Variants in GRID2 observed in about 807,000 individuals in gnomAD.
GRID2 encodes glutamate receptor ionotropic, delta-2.
Under a neutral mutation model 114.8 loss-of-function variants are expected in GRID2, and 33 were observed. The observed-to-expected ratio is 0.29, with a 90% CI of 0.22 to 0.38. GRID2 has a LOEUF of 0.38. GRID2 is among the 10% of genes least tolerant of loss of function. The pLI, the probability that GRID2 is intolerant of heterozygous loss-of-function variation, is 1.00. For missense variants in GRID2, 1,184 were observed against 1,257.7 expected (o/e 0.94, Z 0.89); for synonymous variants, 505 against 449.9 (o/e 1.12, Z -1.55).
At position 93,395,595 on chromosome 4, in the gene GRID2, CT is replaced by C; in HGVS notation, c.1246-10del. 7.7e-7 allele frequency: 1 copy of C among 1,302,574 alleles called. No individual in the cohort carries two copies. Among genetic ancestry groups the C allele is most frequent in the African/African-American group, 1.5e-5 (1 of 67,432 alleles). 80.7% of individuals were successfully genotyped at this position (1,302,574 alleles called of 1,614,324 possible). A position where few individuals can be genotyped will look rare whatever the true frequency, so the allele number is the denominator to read the frequency against. ...CAGGCAGAAAAATGACCAAAGTTGTCTTATCTTTCAGCTTGGTTGCTGGAAT... is the reference window on the plus strand; with the variant it reads ...CAGGCAGAAAAATGACCAAAGTTGTCTATCTTTCAGCTTGGTTGCTGGAAT... On this transcript the variant is annotated splice_polypyrimidine_tract_variant and intron_variant, in intron 8 of 15. Transcript: ENST00000282020.
chr4:92,668,246 T>C (rs888028486), intron 2 of GRID2, among the ~76,000 whole-genome samples: 1 of 151,844 alleles, frequency 6.6e-6, no homozygotes, highest in African/African-American at 2.4e-5. Flanking sequence ...TCCAGCTTTT[T>C]TGGCTTAAGG....
intron 2 of GRID2, among the ~76,000 whole-genome samples, chr4:93,070,783 A>G (rs1578901249): frequency 6.6e-6 from 1 of 152,088 alleles, no homozygotes; most frequent in Admixed American, 6.6e-5. Flanking sequence ...TTTTAGTCAA[A>G]TAAAACTTTA....
At chr4:93,193,833 C>G (rs762126021) in intron 4 of GRID2, among the ~76,000 whole-genome samples, 2 of 152,202 alleles carry the variant, frequency 1.3e-5, no homozygotes, top group Non-Finnish European at 2.9e-5. Flanking sequence ...TCTTGGCATA[C>G]ATCTCCAGGA....
intron 1 of GRID2, among the ~76,000 whole-genome samples, chr4:92,551,348 C>T: frequency 6.6e-6 from 1 of 151,524 alleles, no homozygotes; most frequent in East Asian, 1.9e-4. Flanking sequence ...AGAATTGAAA[C>T]TTAGTGTGAG....
intron 13 of GRID2, among the ~76,000 whole-genome samples, chr4:93,556,235 G>A (rs941172145): frequency 1.3e-5 from 2 of 152,102 alleles, no homozygotes; most frequent in African/African-American, 2.4e-5. Context: ...GCCAGCAAGG[G>A]AACAAAACTA....
intron 14 of GRID2, among the ~76,000 whole-genome samples, chr4:93,681,848 A>G (rs181453578): frequency 0.067 from 10,186 of 152,132 alleles, 396 homozygotes; most frequent in South Asian, 0.11. Context: ...CCTAGGCATT[A>G]CCATTCAGGA....
chr4:92,554,037 C>T (rs1224409955), intron 1 of GRID2, among the ~76,000 whole-genome samples: 2 of 152,050 alleles, frequency 1.3e-5, no homozygotes, highest in Non-Finnish European at 2.9e-5. Context: ...ACATATTCAA[C>T]AACATTATGT....
rs1237909467 is a variant in GRID2, at chr4:93,216,820, C to T, written c.872C>T (p.Pro291Leu). The T allele has an allele frequency of 3.7e-6, 6 of 1,612,772 alleles. No individual in the cohort carries two copies. The highest frequency in any genetic ancestry group is 5.1e-6 in the Non-Finnish European group (6 of 1,178,896). The change falls in exon 6 of 16, where the codon CCC (proline) becomes CTC (leucine). Residue 291 changes from proline to leucine, a missense_variant. Transcript: ENST00000282020. ...ATTATTCGGCAGACATTTCCAGTTC[C>T]CCAGAACATAAGTCAGCGGTGTTTC... ...LTIIRQTFPV[P>L]QNISQRCFRG... is the part of the protein sequence containing the mutation.
At chr4:93,188,848 CACTT>C (rs1740690339) in intron 4 of GRID2, among the ~76,000 whole-genome samples, 1 of 152,146 alleles carries the variant, frequency 6.6e-6, no homozygotes, top group African/African-American at 2.4e-5. Flanking sequence ...AGTTCCTTGT[CACTT>C]AATAACAAGA....
chr4:93,725,140 C>A (rs9997938), intron 14 of GRID2, among the ~76,000 whole-genome samples: 20,824 of 152,088 alleles, frequency 0.14, 1,916 homozygotes, highest in Admixed American at 0.28. Context: ...CCCCTCCCCC[C>A]ACCAAACAAC....
At chr4:93,515,154 T>A in intron 12 of GRID2, 62 bp from the exon 13 acceptor site, 1 of 672,060 alleles carries the variant, frequency 1.5e-6, no homozygotes, top group Non-Finnish European at 2.4e-6. Context: ...TTTAACTTTA[T>A]TCCCACTTGA....
chr4:93,578,990 G>A (rs948948917), intron 13 of GRID2, among the ~76,000 whole-genome samples: 11 of 152,148 alleles, frequency 7.2e-5, no homozygotes, highest in East Asian at 1.9e-4. Context: ...GAAGGACTTC[G>A]TAGGAGCATT....
intron 1 of GRID2, among the ~76,000 whole-genome samples, chr4:92,559,412 G>A (rs938122574): frequency 3.9e-5 from 6 of 152,138 alleles, no homozygotes; most frequent in South Asian, 2.1e-4. Flanking sequence ...GGATATTTGC[G>A]TTATACTTAG....
At chr4:93,433,369 A>G (rs1441059037) in intron 10 of GRID2, among the ~76,000 whole-genome samples, 2 of 152,176 alleles carry the variant, frequency 1.3e-5, no homozygotes, top group Non-Finnish European at 2.9e-5. Context: ...GGTGGAGGTG[A>G]TGAGACCTCA....
intron 2 of GRID2, among the ~76,000 whole-genome samples, chr4:93,004,812 A>G (rs1366665799): frequency 2.0e-5 from 3 of 152,196 alleles, no homozygotes; most frequent in South Asian, 2.1e-4. Flanking sequence ...GACAAATTCA[A>G]TGGCCAGTTC....
intron 8 of GRID2, among the ~76,000 whole-genome samples, chr4:93,246,024 T>C (rs1748161532): frequency 6.6e-6 from 1 of 152,208 alleles, no homozygotes; most frequent in African/African-American, 2.4e-5. Context: ...GTCACAGTGA[T>C]AGCATGAAAC....
At chr4:93,243,165 A>G (rs539561174) in intron 8 of GRID2, among the ~76,000 whole-genome samples, 6 of 151,948 alleles carry the variant, frequency 3.9e-5, no homozygotes, top group African/African-American at 1.4e-4. Context: ...TTTCATTTTT[A>G]TAACTCAATT....
At chr4:93,802,404 G>T (rs1016753800) in intron 1 of GRID2, among the ~76,000 whole-genome samples, 1 of 151,832 alleles carries the variant, frequency 6.6e-6, no homozygotes, top group Non-Finnish European at 1.5e-5. Context: ...GAGTGTGTGT[G>T]TGTGACAGAG....
chr4:93,217,381 C>T (rs533161769), intron 6 of GRID2: 6 of 153,190 alleles, frequency 3.9e-5, no homozygotes, highest in East Asian at 3.9e-4. Flanking sequence ...TATCCAACTC[C>T]GAGAGGATAT....
Sources: gnomAD v4.1 joint callset for allele counts (sites outside exome capture counted in the v4.1 genomes callset) on GRCh38, gnomAD v4.1.1 for gene constraint, MANE v1.5 for transcripts, NCBI Gene and HGNC (gene_info 2026-07-23, HGNC 2026-07-21) for gene names.